The following EIF2AK4 variants were observed in gnomAD, a reference collection of about 807,000 sequenced individuals.
EIF2AK4 encodes the protein eIF-2-alpha kinase GCN2.
In EIF2AK4, 139 loss-of-function variants were observed where a neutral mutation model predicts 211.1. The ratio of observed to expected loss-of-function variants is 0.66; its 90% confidence interval spans 0.57 to 0.76. EIF2AK4 has a LOEUF of 0.76. Among genes scored for constraint, EIF2AK4 ranks in the 30% least tolerant of loss-of-function variants. The pLI, the probability that EIF2AK4 is intolerant of heterozygous loss-of-function variation, is 0.00. For synonymous variants in EIF2AK4, 710 were observed against 751.3 expected (o/e 0.94, Z 0.90); for missense variants, 1,664 against 2,043.8 (o/e 0.81, Z 3.58).
At chr15:39,945,885 GT>G (rs1172697639) in intron 3 of EIF2AK4, among the ~76,000 whole-genome samples, 15 of 152,156 alleles carry the variant, frequency 9.9e-5, no homozygotes, top group Admixed American at 3.3e-4. Flanking sequence ...GGCAAATCCT[GT>G]ATGATGGCAC....
chr15:39,943,932 G>A (rs2034185133), intron 3 of EIF2AK4, among the ~76,000 whole-genome samples: 4 of 151,906 alleles, frequency 2.6e-5, no homozygotes, highest in Admixed American at 2.6e-4. Context: ...TCCAGCCTGG[G>A]CCATAGAGCA....
At chr15:40,032,884 A>G (rs1407544690) in intron 37 of EIF2AK4, 83 bp downstream of exon 37, 1 of 1,169,710 alleles carries the variant, frequency 8.5e-7, no homozygotes, top group Non-Finnish European at 1.2e-6. Flanking sequence ...TGAAGACGGC[A>G]TTCATTAGTG....
At chr15:39,959,288 C>T (rs1006396038) in intron 6 of EIF2AK4, among the ~76,000 whole-genome samples, 1 of 152,158 alleles carries the variant, frequency 6.6e-6, no homozygotes, top group South Asian at 2.1e-4. Context: ...AAGCCCAGTT[C>T]TTGATGGGTC....
chr15:39,985,669 T>C (rs2034854611), intron 13 of EIF2AK4, 136 bp from the exon 14 acceptor site: 1 of 685,198 alleles, frequency 1.5e-6, no homozygotes. Context: ...ATAGTGGTTA[T>C]GTTCTGCTCA....
At position 39,953,954 on chromosome 15, in the gene EIF2AK4, A is replaced by C. The variant is rs758789499; in HGVS notation, c.564A>C (p.Glu188Asp). The change falls in exon 5 of 39, where the codon GAA becomes GAC. Residue 188 changes from glutamate (E) to aspartate (D), a missense_variant. Transcript: ENST00000263791. ...EIQRRKEEIK[E>D]EKKRKEMAKQ... The stretch of plus-strand genomic sequence containing the variant: ...AGAGAAGGAAAGAAGAGATAAAAGA[A>C]GAGAAAAAAAGGAAAGAAATGGCTA... The C allele has an allele frequency of 3.7e-6, 6 of 1,606,692 alleles. No homozygotes were observed. The highest frequency in any genetic ancestry group is 1.1e-5 in the South Asian group (1 of 90,496).
Position 39,990,312 on chromosome 15 carries a change from T to C in EIF2AK4, c.2566T>C (p.Leu856=). 1 of 1,614,230 alleles carries C rather than the reference T, an allele frequency of 6.2e-7. No homozygotes were observed. Among genetic ancestry groups the C allele is most frequent in the Non-Finnish European group, 8.5e-7 (1 of 1,180,026 alleles). The change falls in exon 16 of 39, where the codon TTG becomes CTG. Residue 856 remains leucine (L), a synonymous_variant. Transcript: ENST00000263791. ...GGATTTGAAGCCTGTCAACATTTTTTTGGATTCTGATGACCATGTGAAAAT... is the reference window on the plus strand; with the variant it reads ...GGATTTGAAGCCTGTCAACATTTTTCTGGATTCTGATGACCATGTGAAAAT... ...HRDLKPVNIF[L]DSDDHVKIGD... is the part of the protein sequence containing the mutation.
intron 16 of EIF2AK4, chr15:39,991,357 T>A (rs1460063317): frequency 6.6e-6 from 1 of 152,250 alleles, no homozygotes; most frequent in Non-Finnish European, 1.5e-5. Context: ...TTTAACTTGA[T>A]ATCTGGAAGG....
At chr15:39,976,067 G>T (rs908989690) in intron 11 of EIF2AK4, among the ~76,000 whole-genome samples, 1 of 152,164 alleles carries the variant, frequency 6.6e-6, no homozygotes, top group African/African-American at 2.4e-5. Flanking sequence ...ACTGACTTTA[G>T]AAAATAATTT....
At chr15:39,938,677 G>A (rs960900580) in intron 1 of EIF2AK4, among the ~76,000 whole-genome samples, 1 of 152,154 alleles carries the variant, frequency 6.6e-6, no homozygotes, top group Non-Finnish European at 1.5e-5. Context: ...TGGAGTTAAG[G>A]CTGGGTTTGA....
intron 13 of EIF2AK4, among the ~76,000 whole-genome samples, chr15:39,978,901 T>A (rs1360240888): frequency 1.1e-4 from 16 of 152,224 alleles, no homozygotes; most frequent in Admixed American, 1.0e-3. Flanking sequence ...AGCAACAGTC[T>A]GATCTCCAGG....
rs774494999 is a variant in EIF2AK4 at position 40,001,030 on chromosome 15, C to T, written c.2965C>T (p.Arg989Trp). 5 of 1,614,078 alleles carry T rather than the reference C, an allele frequency of 3.1e-6. No individual in the cohort carries two copies. Among genetic ancestry groups the T allele is most frequent in the Admixed American group, 3.3e-5 (2 of 60,002 alleles). The change falls in exon 21 of 39, where the codon CGG becomes TGG. Residue 989 changes from arginine (R) to tryptophan (W), a missense_variant. Around this residue, in one of 7 missense-constraint regions of EIF2AK4, gnomAD observed 622 missense variants for 796.8 expected, o/e 0.78. Transcript: ENST00000263791. ...GCTGTTGAACCACGATCCAGCAAAA[C>T]GGCCCACAGCCACAGAACTGCTCAA... Reference protein sequence around the residue: ...SWLLNHDPAKRPTATELLKSE... With the variant: ...SWLLNHDPAKWPTATELLKSE...
In EIF2AK4 at chr15:39,943,292, C is replaced by G. The variant is rs143293772; in HGVS notation, c.258-91C>G. 6 of 1,002,448 alleles carry G rather than the reference C, an allele frequency of 6.0e-6. No individual in the cohort carries two copies. The African/African-American group carries it at 1.0e-4, about 17-fold the overall frequency. The allele number at this position is 1,002,448 out of a possible 1,614,324, so 62.1% of individuals were successfully genotyped here. A position where few individuals can be genotyped will look rare whatever the true frequency, so the allele number is the denominator to read the frequency against. On this transcript the variant is annotated intron_variant, in intron 2 of 38. Coordinates refer to ENST00000263791, the MANE Select transcript of EIF2AK4 (RefSeq NM_001013703.4). ...CCTTTGAGATTAAGGGCCTTGGGCC[C>G]AGAGTGCTTTCAGTTTAGCAAATAT...
intron 23 of EIF2AK4, among the ~76,000 whole-genome samples, chr15:40,005,350 T>A (rs1035096452): frequency 4.0e-5 from 6 of 151,830 alleles, no homozygotes; most frequent in Non-Finnish European, 8.8e-5. Flanking sequence ...ATTTTTATTA[T>A]AGAGAAAGAA....
chr15:39,985,930 G>A (rs2034859173), intron 14 of EIF2AK4, 42 bp downstream of exon 14: 2 of 1,565,396 alleles, frequency 1.3e-6, no homozygotes, highest in African/African-American at 1.4e-5. Context: ...GCAACACCCA[G>A]TAGTGGCGGG....
intron 13 of EIF2AK4, among the ~76,000 whole-genome samples, chr15:39,984,932 T>C (rs2034844197): frequency 6.6e-6 from 1 of 152,232 alleles, no homozygotes; most frequent in Non-Finnish European, 1.5e-5. Flanking sequence ...CTTGTGCCGA[T>C]TTTCAAAGGG....
intron 27 of EIF2AK4, 37 bp downstream of exon 27, chr15:40,011,383 T>C: frequency 6.5e-7 from 1 of 1,541,738 alleles, no homozygotes; most frequent in Non-Finnish European, 8.9e-7. Flanking sequence ...CAGCTTTCTC[T>C]GTAATTTTGT....
chr15:39,975,824 A>G (rs2034685902), intron 11 of EIF2AK4, among the ~76,000 whole-genome samples: 1 of 152,240 alleles, frequency 6.6e-6, no homozygotes, highest in Non-Finnish European at 1.5e-5. Flanking sequence ...CCTTGATACA[A>G]GTGCTTTACA....
At chr15:39,998,877 T>A in intron 20 of EIF2AK4, 93 bp downstream of exon 20, 2 of 1,062,500 alleles carry the variant, frequency 1.9e-6, no homozygotes, top group Non-Finnish European at 2.8e-6. Context: ...CTGCCACTCA[T>A]TCTCTTGTGT....
intron 13 of EIF2AK4, among the ~76,000 whole-genome samples, chr15:39,981,598 C>T (rs1408996888): frequency 6.7e-6 from 1 of 149,742 alleles, no homozygotes; most frequent in Non-Finnish European, 1.5e-5. Flanking sequence ...TGATTGTTAC[C>T]AGAGCAGAGC....
Sources: allele counts gnomAD v4.1 joint callset (sites outside exome capture counted in the v4.1 genomes callset), GRCh38; gene constraint gnomAD v4.1.1; regional missense constraint gnomAD v4.1.1; transcripts MANE v1.5; gene names NCBI Gene and HGNC (gene_info 2026-07-23, HGNC 2026-07-21).